The following LCN12 variants were observed in gnomAD, a reference collection of about 807,000 sequenced individuals.
LCN12 encodes epididymal-specific lipocalin-12.
Under a neutral mutation model 23.7 loss-of-function variants are expected in LCN12, and 15 were observed. The observed-to-expected ratio is 0.63, with a 90% confidence interval of 0.42 to 0.97. The LOEUF (loss-of-function observed/expected upper bound fraction) is 0.97, where lower values mean the gene tolerates loss of function less well. Ranked by LOEUF, LCN12 falls within the 50% of genes least tolerant of loss-of-function variation. The pLI, the probability that LCN12 is intolerant of heterozygous loss-of-function variation, is 0.00. For synonymous variants in LCN12, 116 were observed against 111.5 expected, an observed-to-expected ratio of 1.04 and a Z score of -0.25; for missense variants, 219 against 249.6, an observed-to-expected ratio of 0.88 and a Z score of 0.83.
chr9:136,954,176 C>A lies in LCN12; in HGVS notation c.471C>A (p.Pro157=). 1 of 1,566,482 alleles carries A rather than the reference C, an allele frequency of 6.4e-7. No homozygotes were observed. Among genetic ancestry groups the A allele is most frequent in the Non-Finnish European group, 8.7e-7 (1 of 1,154,810 alleles). The change falls in exon 5 of 6, where the codon CCC becomes CCA. Residue 157 remains proline, a synonymous_variant. Coordinates refer to ENST00000371633, the MANE Select transcript of LCN12 (RefSeq NM_178536.4). The stretch of plus-strand genomic sequence containing the variant: ...CAGGCAGGAGCTGGTTGCTGCCTCC[C>A]GGGACGCTGGACCAGTTCATCTGCC... ...SLLGRSWLLP[P]GTLDQFICLG... is the part of the protein sequence containing the mutation.
At chr9:136,953,129 A>T in intron 2 of LCN12, 101 bp downstream of exon 2, 1 of 1,494,012 alleles carries the variant, frequency 6.7e-7, no homozygotes, top group Non-Finnish European at 9.1e-7. Flanking sequence ...GTCCCAGCAC[A>T]GGCAGCTTCA....
Position 136,953,743 on chromosome 9 carries a change from G to C in LCN12, c.295G>C (p.Ala99Pro), listed in dbSNP as rs1415681149. ...ATGGTCTTATGTGCTGATACCGGCA[G>C]CCCAGCCTGGGCAGTTCACTGTGGA... ...DTWSYVLIPAAQPGQFTVDHG... is the reference protein window; with the variant it reads ...DTWSYVLIPAPQPGQFTVDHG... Residue 99 changes from alanine to proline, a missense_variant, in exon 3 of 6, where the codon GCC becomes CCC. Ala to Pro is a conservative substitution (Grantham distance 27, BLOSUM62 -1). Transcript: ENST00000371633. 6.2e-7 allele frequency: 1 copy of C among 1,605,892 alleles called. No individual in the cohort carries two copies. The highest frequency in any genetic ancestry group is 1.7e-5 in the Admixed American group (1 of 58,996).
Position 136,953,855 on chromosome 9 carries a change from G to A in LCN12, c.339G>A (p.Gly113=). ...QFTVDHGVEP[G]ADREETRVVD... The stretch of plus-strand genomic sequence containing the variant: ...ACGTCTGTGCCGCCTCAGAGCCCGG[G>A]GCGGACAGAGAGGAGACCCGGGTGG... Residue 113 remains glycine, a synonymous_variant, in exon 4 of 6, where the codon GGG becomes GGA. Coordinates refer to ENST00000371633, the MANE Select transcript of LCN12 (RefSeq NM_178536.4). 6.2e-7 allele frequency: 1 copy of A among 1,600,620 alleles called. No individual in the cohort carries two copies. Among genetic ancestry groups the A allele is most frequent in the Non-Finnish European group, 8.5e-7 (1 of 1,174,106 alleles).
At chr9:136,952,622 C>G in intron 1 of LCN12, 181 bp downstream of exon 1, 1 of 630,380 alleles carries the variant, frequency 1.6e-6, no homozygotes, top group Non-Finnish European at 2.7e-6. Flanking sequence ...TCCTGGCACC[C>G]ATTCCCTGCC....
At chr9:136,955,335 C>A in intron 5 of LCN12, 36 bp from the exon 6 acceptor site, 2 of 1,608,822 alleles carry the variant, frequency 1.2e-6, no homozygotes, top group Non-Finnish European at 1.7e-6. Flanking sequence ...CCTGCTCCCC[C>A]TTTGTCCTCC....
rs376753665 is a variant in LCN12 at position 136,954,206 on chromosome 9, C to T, written c.501C>T (p.Gly167=). ...PGTLDQFICL[G]RAQGLSDDNI... ...CGCTGGACCAGTTCATCTGCCTGGG[C>T]AGAGCTCAGGGCCTCTCGGATGACA... is the stretch of plus-strand genomic sequence containing the variant. The change falls in exon 5 of 6, where the codon GGC becomes GGT. Residue 167 remains glycine, a synonymous_variant. Transcript: ENST00000371633. 2 of 1,577,510 alleles carry T rather than the reference C, an allele frequency of 1.3e-6. No homozygotes were observed. Among genetic ancestry groups the T allele is most frequent in the East Asian group, 2.3e-5 (1 of 42,884 alleles).
Position 136,954,200 on chromosome 9 carries a change from C to A in LCN12, c.495C>A (p.Cys165Ter). The change falls in exon 5 of 6, where the codon TGC becomes TGA. Residue 165 changes from cysteine to a stop codon, truncating the protein, a stop_gained. Transcript: ENST00000371633. LOFTEE classifies it high-confidence loss of function. ...CCGGGACGCTGGACCAGTTCATCTG[C>A]CTGGGCAGAGCTCAGGGCCTCTCGG... is the stretch of plus-strand genomic sequence containing the variant. Reference protein sequence around the residue: ...LPPGTLDQFICLGRAQGLSDD... With the variant: ...LPPGTLDQFI 1 of 1,576,794 alleles carries A rather than the reference C, an allele frequency of 6.3e-7. No individual in the cohort carries two copies. The highest frequency in any genetic ancestry group is 2.3e-5 in the East Asian group (1 of 42,836).
At chr9:136,955,935 G>A (rs1564449975), downstream of LCN12, among the ~76,000 whole-genome samples, 4 of 152,198 alleles carry the variant, frequency 2.6e-5, no homozygotes, top group African/African-American at 2.4e-5. Context: ...AACAGGAGGA[G>A]GCCCTGGTGC....
intron 5 of LCN12, chr9:136,954,509 C>G (rs1470518908): frequency 5.4e-6 from 3 of 554,342 alleles, no homozygotes; most frequent in Non-Finnish European, 9.8e-6. Context: ...TCCTCCCGCC[C>G]CAGGTCCCCT....
intron 5 of LCN12, chr9:136,954,936 G>A (rs578060051): frequency 5.7e-5 from 71 of 1,249,294 alleles, no homozygotes; most frequent in Non-Finnish European, 6.7e-5. Context: ...TCACGCATGA[G>A]CAAACGTGTA....
upstream of LCN12, chr9:136,949,466 A>C (rs1390454959): frequency 6.6e-6 from 1 of 151,516 alleles, no homozygotes; most frequent in Non-Finnish European, 1.5e-5. Context: ...GTGGGCCAGG[A>C]CTCCTCCATG....
At chr9:136,949,574 G>GA (rs1851101544), upstream of LCN12, 3 of 152,582 alleles carry the variant, frequency 2.0e-5, no homozygotes, top group African/African-American at 4.8e-5. Flanking sequence ...CCGTGTCTGG[G>GA]AAAAGGTCTT....
chr9:136,952,627 C>T, intron 1 of LCN12, 186 bp downstream of exon 1: 1 of 631,458 alleles, frequency 1.6e-6, no homozygotes, highest in Non-Finnish European at 2.7e-6. Context: ...GCACCCATTC[C>T]CTGCCGTCAG....
chr9:136,954,111 C>T, intron 4 of LCN12, 43 bp from the exon 5 acceptor site: 1 of 1,519,200 alleles, frequency 6.6e-7, no homozygotes, highest in Non-Finnish European at 8.9e-7. Context: ...CCCCCAACCC[C>T]CTGCCAAGTG....
upstream of LCN12, among the ~76,000 whole-genome samples, chr9:136,950,776 G>C (rs1435980529): frequency 6.6e-6 from 1 of 152,206 alleles, no homozygotes; most frequent in Non-Finnish European, 1.5e-5. Context: ...GGTGAGACAA[G>C]GCACAGCAAG....
intron 4 of LCN12, 59 bp downstream of exon 4, chr9:136,954,023 C>T: frequency 6.3e-7 from 1 of 1,583,682 alleles, no homozygotes; most frequent in South Asian, 1.1e-5. Flanking sequence ...TCCTTCCAGG[C>T]TTTGGGTCAG....
chr9:136,955,792 C>T (rs1303486715), downstream of LCN12, among the ~76,000 whole-genome samples: 1 of 152,244 alleles, frequency 6.6e-6, no homozygotes, highest in Non-Finnish European at 1.5e-5. Flanking sequence ...CACCTCCACC[C>T]TGGTCAGCAC....
chr9:136,952,348 G>A lies in LCN12; in HGVS notation c.21G>A (p.Leu7=), dbSNP rs760259859. The change falls in exon 1 of 6, where the codon CTG becomes CTA. Residue 7 remains leucine, a synonymous_variant. Transcript: ENST00000371633. The stretch of plus-strand genomic sequence containing the variant: ...CCAGGATGAGGCTGCTGTGTGGCCT[G>A]TGGCTGTGGCTCTCCTTGCTGAAAG... MRLLCG[L]WLWLSLLKVL... 47 of 1,611,166 alleles carry A rather than the reference G, an allele frequency of 2.9e-5. No homozygotes were observed. Among genetic ancestry groups the A allele is most frequent in the Non-Finnish European group, 3.9e-5 (46 of 1,179,026 alleles).
intron 2 of LCN12, 194 bp from the exon 3 acceptor site, chr9:136,953,506 C>T (rs1851226366): frequency 1.7e-6 from 1 of 573,714 alleles, no homozygotes; most frequent in Non-Finnish European, 3.1e-6. Context: ...GAGGCAGAGG[C>T]AGAAGGATCA....
Sources: gnomAD v4.1 joint callset for allele counts (sites outside exome capture counted in the v4.1 genomes callset) on GRCh38, gnomAD v4.1.1 for gene constraint, MANE v1.5 for transcripts, NCBI Gene and HGNC (gene_info 2026-07-23, HGNC 2026-07-21) for gene names.